RHPN1: variants seen among roughly 807,000 people sequenced by gnomAD.
The protein encoded by RHPN1 is rhophilin-1.
A neutral mutation model predicts 74.7 loss-of-function variants in RHPN1; 77 were observed. That is an observed-to-expected ratio of 1.03 (90% confidence interval 0.86 to 1.25). RHPN1 has a LOEUF of 1.25. Among genes scored for constraint, RHPN1 ranks in the 50% most tolerant of loss-of-function variants. The pLI is 0.00. For missense variants in RHPN1, 987 were observed against 932.2 expected, an observed-to-expected ratio of 1.06 and a Z score of -0.77; for synonymous variants, 444 against 414.5, an observed-to-expected ratio of 1.07 and a Z score of -0.87.
In RHPN1 at chr8:143,378,911, G is replaced by A. The variant is rs866290077; in HGVS notation, c.585-1G>A. 1.1e-5 allele frequency: 18 copies of A among 1,584,580 alleles called. No homozygotes were observed. The highest frequency in any genetic ancestry group is 1.5e-5 in the Non-Finnish European group (18 of 1,166,222). The stretch of plus-strand genomic sequence containing the variant: ...CCACCCAGCCTGACCCAACACTGCA[G>A]GTACGACTCGCTTACTGGGGTCCCG... On this transcript the variant is annotated splice_acceptor_variant, in intron 6 of 14. Coordinates refer to ENST00000289013, the MANE Select transcript of RHPN1 (RefSeq NM_052924.3). LOFTEE classifies it high-confidence loss of function.
chr8:143,369,111 C>T (rs1817662574), intron 1 of RHPN1, 64 bp downstream of exon 1: 12 of 1,306,522 alleles, frequency 9.2e-6, no homozygotes, highest in East Asian at 3.0e-5. Context: ...CCTGCCCCCC[C>T]TCGAGGCGCG....
At position 143,381,949 on chromosome 8, in the gene RHPN1, G is replaced by T. The variant is rs756853226; in HGVS notation, c.1778G>T (p.Ser593Ile). The T allele has an allele frequency of 1.9e-6, 3 of 1,601,100 alleles. No individual in the cohort carries two copies. In the Admixed American group the frequency reaches 5.1e-5, roughly 27 times the overall value. Residue 593 changes from serine (S) to isoleucine (I), a missense_variant, in exon 14 of 15, where the codon AGC (serine) becomes ATC (isoleucine). By Grantham distance (142) the Ser-to-Ile change is moderately radical. Coordinates refer to ENST00000289013, the MANE Select transcript of RHPN1 (RefSeq NM_052924.3). ...ASLQVVSLLP[S>I]SRLPSLGDRR... is the part of the protein sequence containing the mutation. ...CTGCAGGTGGTGTCGCTGCTGCCCA[G>T]CTCTAGACTGCCCAGCTTGGTGAGC... is the stretch of plus-strand genomic sequence containing the variant.
chr8:143,376,849 T>C (rs1043535759), intron 3 of RHPN1, among the ~76,000 whole-genome samples, 196 bp downstream of exon 3: 3 of 127,234 alleles, frequency 2.4e-5, no homozygotes, highest in Admixed American at 8.1e-5. Context: ...TCTGTGTGTG[T>C]GCGTGTGTCT....
At position 143,379,086 on chromosome 8, in the gene RHPN1, C is replaced by T. The variant is rs374662578; in HGVS notation, c.751+8C>T. 7.7e-5 allele frequency: 114 copies of T among 1,484,856 alleles called. 1 individual carries two copies. Among genetic ancestry groups the T allele is most frequent in the African/African-American group, 7.2e-4 (51 of 70,778 alleles). 92.0% of individuals were successfully genotyped at this position (1,484,856 alleles called of 1,614,324 possible). The stretch of plus-strand genomic sequence containing the variant: ...CCTTCCAGAGGGCCGCTGGTGAGGG[C>T]GGCCCGGGCCGCGGTGGGGCACGGC... On this transcript the variant is annotated splice_region_variant and intron_variant, in intron 7 of 14. Transcript: ENST00000289013.
At chr8:143,372,646 G>A (rs1817909720) in intron 1 of RHPN1, among the ~76,000 whole-genome samples, 1 of 151,728 alleles carries the variant, frequency 6.6e-6, no homozygotes, top group Non-Finnish European at 1.5e-5. Context: ...CGGCCCCTAA[G>A]CGCCAACTCA....
At chr8:143,381,387 T>C in intron 12 of RHPN1, 43 bp downstream of exon 12, 1 of 1,557,724 alleles carries the variant, frequency 6.4e-7, no homozygotes, top group Non-Finnish European at 8.7e-7. Context: ...ATGGGCAGCT[T>C]GGGCTGTGTG....
At chr8:143,377,599 G>A (rs1023955066) in intron 4 of RHPN1, 144 bp downstream of exon 4, 3 of 622,300 alleles carry the variant, frequency 4.8e-6, no homozygotes, top group Non-Finnish European at 8.4e-6. Context: ...GGACGCAAGG[G>A]ACCTGGCAGA....
rs1818573186 is a variant in RHPN1, at chr8:143,379,776, G to T, written c.946-53G>T. The T allele has an allele frequency of 6.4e-6, 10 of 1,552,876 alleles. No individual in the cohort carries two copies. The South Asian group carries it at 8.5e-5, about 13-fold the overall frequency. ...GGTGGAGGCTGGGTAGGGAGAAGCA[G>T]GCACCACCTGGAGAGTGGGAGGCCC... On this transcript the variant is annotated intron_variant, in intron 8 of 14. Coordinates refer to ENST00000289013, the MANE Select transcript of RHPN1 (RefSeq NM_052924.3).
intron 1 of RHPN1, among the ~76,000 whole-genome samples, chr8:143,370,601 G>A (rs959162118): frequency 6.6e-6 from 1 of 152,248 alleles, no homozygotes; most frequent in Non-Finnish European, 1.5e-5. Context: ...CGTGATGAGA[G>A]CAGGCTTCCA....
chr8:143,381,983 C>T lies in RHPN1; in HGVS notation c.1797+15C>T, dbSNP rs773208933. The T allele has an allele frequency of 2.6e-6, 4 of 1,562,960 alleles. No homozygotes were observed. Among genetic ancestry groups the T allele is most frequent in the African/African-American group, 1.4e-5 (1 of 73,614 alleles). On this transcript the variant is annotated intron_variant, in intron 14 of 14. Transcript: ENST00000289013. ...TGCCCAGCTTGGTGAGCCCCTGGGG[C>T]CCCAGAGGGGCGGTCCCCAGCTTGC... is the stretch of plus-strand genomic sequence containing the variant.
intron 1 of RHPN1, among the ~76,000 whole-genome samples, chr8:143,369,629 CTG>C (rs1303490921): frequency 6.6e-6 from 1 of 152,220 alleles, no homozygotes; most frequent in East Asian, 1.9e-4. Context: ...CCTGCTGAGT[CTG>C]TGCCTGGGAA....
Position 143,379,519 on chromosome 8 carries a change from G to A in RHPN1, c.945+11G>A, listed in dbSNP as rs1272418061. On this transcript the variant is annotated intron_variant, in intron 8 of 14. Coordinates refer to ENST00000289013, the MANE Select transcript of RHPN1 (RefSeq NM_052924.3). ...CAGGAGGCCGCCCAGGTGAGCTCGG[G>A]CACCCGTGTCAGGATGCAGGGGGTG... The A allele has an allele frequency of 1.3e-6, 2 of 1,536,460 alleles. No individual in the cohort carries two copies. The highest frequency in any genetic ancestry group is 2.2e-4 in the Middle Eastern group (1 of 4,550).
chr8:143,366,679 C>T (rs2130517386), upstream of RHPN1: 1 of 152,302 alleles, frequency 6.6e-6, no homozygotes, highest in African/African-American at 2.4e-5. Context: ...AAACAGCACC[C>T]TGCAGGGAGG....
chr8:143,380,499 C>A, intron 10 of RHPN1, 90 bp from the exon 11 acceptor site: 1 of 1,226,532 alleles, frequency 8.2e-7, no homozygotes, highest in East Asian at 2.6e-5. Flanking sequence ...TGTGATGAGC[C>A]CCACAGCCCT....
At chr8:143,377,273 TGAGG>T in intron 3 of RHPN1, 103 bp from the exon 4 acceptor site, 1 of 806,146 alleles carries the variant, frequency 1.2e-6, no homozygotes, top group African/African-American at 1.7e-5. Context: ...TGCACACCCA[TGAGG>T]GAGGGAGGCA....
At chr8:143,376,840 CTG>C (rs545109711) in intron 3 of RHPN1, among the ~76,000 whole-genome samples, 187 bp downstream of exon 3, 68 of 130,644 alleles carry the variant, frequency 5.2e-4, no homozygotes, top group East Asian at 3.0e-3. Context: ...CTGTGCATCT[CTG>C]TGTGTGTGCG....
intron 1 of RHPN1, chr8:143,374,360 C>A: frequency 1.0e-6 from 1 of 971,694 alleles, no homozygotes; most frequent in Non-Finnish European, 1.2e-6. Context: ...AGAAGAGGTC[C>A]TGTCTCCCGA....
intron 14 of RHPN1, 137 bp downstream of exon 14, chr8:143,382,105 G>C (rs1341472271): frequency 2.3e-6 from 2 of 888,694 alleles, no homozygotes; most frequent in Admixed American, 5.8e-5. Context: ...CGCCTCCTGG[G>C]CAGGGGCCAC....
intron 14 of RHPN1, 24 bp downstream of exon 14, chr8:143,381,992 G>A: frequency 5.2e-6 from 8 of 1,551,650 alleles, no homozygotes; most frequent in Admixed American, 1.9e-5. Context: ...GCCCCAGAGG[G>A]GCGGTCCCCA....
Sources: gnomAD v4.1 joint callset for allele counts (sites outside exome capture counted in the v4.1 genomes callset) on GRCh38, gnomAD v4.1.1 for gene constraint, MANE v1.5 for transcripts, NCBI Gene and HGNC (gene_info 2026-07-23, HGNC 2026-07-21) for gene names.